Variants in L3MBTL4 observed in about 807,000 individuals in gnomAD.
L3MBTL4 encodes lethal(3)malignant brain tumor-like protein 4.
L3MBTL4 carries 70 observed loss-of-function variants against 84.5 expected under a neutral mutation model. The ratio of observed to expected loss-of-function variants is 0.83; its 90% CI spans 0.68 to 1.01. The LOEUF is 1.01. Among genes scored for constraint, L3MBTL4 ranks in the 50% least tolerant of loss-of-function variants. L3MBTL4 has a pLI of 0.00. For synonymous variants in L3MBTL4, 274 were observed against 259.8 expected (o/e 1.05, Z -0.52); for missense variants, 715 against 754.8 (o/e 0.95, Z 0.62).
At chr18:6,114,995 G>A (rs567104330) in intron 14 of L3MBTL4, among the ~76,000 whole-genome samples, 6 of 152,336 alleles carry the variant, frequency 3.9e-5, no homozygotes, top group African/African-American at 1.2e-4. Flanking sequence ...TAAGTGATGT[G>A]TACATTGTAT....
intron 12 of L3MBTL4, 149 bp downstream of exon 12, chr18:6,213,000 A>T: frequency 1.9e-6 from 1 of 536,310 alleles, no homozygotes; most frequent in Non-Finnish European, 3.3e-6. Context: ...TCAATCTTCA[A>T]GGTCAAATCC....
chr18:6,001,230 C>G (rs376905321), intron 16 of L3MBTL4, among the ~76,000 whole-genome samples: 1 of 152,254 alleles, frequency 6.6e-6, no homozygotes, highest in Non-Finnish European at 1.5e-5. Context: ...CCTAAAGTGG[C>G]TTCCAGGGTA....
chr18:6,285,515 A>G (rs1242259575), intron 4 of L3MBTL4, among the ~76,000 whole-genome samples: 1 of 150,968 alleles, frequency 6.6e-6, no homozygotes, highest in Non-Finnish European at 1.5e-5. Context: ...GCAATTTGTA[A>G]GTATATGTGA....
chr18:6,363,974 A>G (rs756090681), intron 1 of L3MBTL4, among the ~76,000 whole-genome samples: 4 of 151,740 alleles, frequency 2.6e-5, no homozygotes, highest in Non-Finnish European at 4.4e-5. Flanking sequence ...ACCTCTACCC[A>G]TTGTCTTAAA....
At chr18:6,257,750 G>A (rs1182954091) in intron 5 of L3MBTL4, among the ~76,000 whole-genome samples, 2 of 150,698 alleles carry the variant, frequency 1.3e-5, no homozygotes, top group South Asian at 2.1e-4. Flanking sequence ...GGGTTCAAGC[G>A]ATTCTCCTGC....
In L3MBTL4 at chr18:6,148,520, G is replaced by A. The variant is rs1263182387; in HGVS notation, c.1097-10224C>T. 3.3e-5 allele frequency among the ~76,000 whole-genome samples: 5 copies of A among 152,034 alleles called. No homozygotes were observed. The East Asian group carries it at 9.7e-4, about 29-fold the overall frequency. On this transcript the variant is annotated intron_variant, in intron 13 of 18. Transcript: ENST00000317931. ...GGTTCACTGCAGCATCAACTTCCTG[G>A]GCTCAAATGATCCTTCTGCCTCAGC...
intron 10 of L3MBTL4, among the ~76,000 whole-genome samples, chr18:6,228,284 C>T (rs749491832): frequency 7.2e-5 from 11 of 152,128 alleles, no homozygotes; most frequent in Admixed American, 1.3e-4. Context: ...CATTGTAAAA[C>T]TCACAAATAT....
chr18:6,119,800 A>T (rs1388523776), intron 14 of L3MBTL4, among the ~76,000 whole-genome samples: 1 of 152,194 alleles, frequency 6.6e-6, no homozygotes, highest in African/African-American at 2.4e-5. Flanking sequence ...ATAGAAAGAA[A>T]AAACATTTCT....
intron 16 of L3MBTL4, among the ~76,000 whole-genome samples, chr18:5,971,345 C>A (rs1482983208): frequency 6.6e-6 from 1 of 152,182 alleles, no homozygotes; most frequent in Non-Finnish European, 1.5e-5. Context: ...GCCCTGCACT[C>A]TTAGGGATTA....
chr18:6,144,549 C>T (rs2042566834), intron 13 of L3MBTL4, among the ~76,000 whole-genome samples: 1 of 152,172 alleles, frequency 6.6e-6, no homozygotes. Context: ...TGTAAGATGT[C>T]CTCATGGGAT....
In L3MBTL4 at chr18:6,097,949, G is replaced by A. The variant is rs1241075382; in HGVS notation, c.1200-4421C>T. 2.6e-5 allele frequency among the ~76,000 whole-genome samples: 4 copies of A among 152,062 alleles called. No individual in the cohort carries two copies. The East Asian group carries it at 5.8e-4, about 22-fold the overall frequency. Reference sequence around the variant, plus strand: ...CAGTCTTCTATGTGCTTCTCACCCCGAATTATTCCCTGCCAGGTGCTGTGC... The same window carrying A: ...CAGTCTTCTATGTGCTTCTCACCCCAAATTATTCCCTGCCAGGTGCTGTGC... On this transcript the variant is annotated intron_variant, in intron 14 of 18. Coordinates refer to ENST00000317931, the MANE Select transcript of L3MBTL4 (RefSeq NM_001330559.2).
At chr18:6,151,657 A>G (rs887452592) in intron 13 of L3MBTL4, among the ~76,000 whole-genome samples, 1 of 152,188 alleles carries the variant, frequency 6.6e-6, no homozygotes, top group Admixed American at 6.5e-5. Context: ...GACCTCCCAA[A>G]GTGCTGGGAT....
chr18:6,001,238 G>C (rs1940617), intron 16 of L3MBTL4, among the ~76,000 whole-genome samples: 7,813 of 152,284 alleles, frequency 0.051, 476 homozygotes, highest in Admixed American at 0.17. Flanking sequence ...GGCTTCCAGG[G>C]TATGTGAAGA....
intron 5 of L3MBTL4, among the ~76,000 whole-genome samples, chr18:6,256,451 C>A (rs2048142406): frequency 6.6e-6 from 1 of 151,718 alleles, no homozygotes; most frequent in Non-Finnish European, 1.5e-5. Flanking sequence ...CTCCAACAAC[C>A]CCCAGCCCCT....
intron 16 of L3MBTL4, among the ~76,000 whole-genome samples, chr18:6,061,700 T>C (rs2057226420): frequency 1.3e-5 from 2 of 152,012 alleles, no homozygotes; most frequent in Admixed American, 1.3e-4. Flanking sequence ...AGTCTTCCTC[T>C]CTTTTTCTCC....
At chr18:6,195,389 G>A (rs2045329382) in intron 12 of L3MBTL4, among the ~76,000 whole-genome samples, 1 of 152,200 alleles carries the variant, frequency 6.6e-6, no homozygotes, top group African/African-American at 2.4e-5. Flanking sequence ...CCCACTACTA[G>A]GTACTTGATT....
In L3MBTL4 at chr18:6,238,187, C is replaced by T. The variant is rs78950871; in HGVS notation, c.708-147G>A. The T allele has an allele frequency of 2.8e-3, 1,939 of 690,212 alleles. 32 individuals are homozygous for T. In the African/African-American group the frequency reaches 0.03, roughly 11 times the overall value. 42.8% of individuals were successfully genotyped at this position (690,212 alleles called of 1,614,324 possible). A position where few individuals can be genotyped will look rare whatever the true frequency, so the allele number is the denominator to read the frequency against. ...GAATTAGAAGGAATTTTCAGTACTG[C>T]ATTAGTAGGCTGTTACCAAGCTTCT... On this transcript the variant is annotated intron_variant, in intron 9 of 18. Coordinates refer to ENST00000317931, the MANE Select transcript of L3MBTL4 (RefSeq NM_001330559.2).
chr18:6,071,611 G>A (rs1022620274), intron 16 of L3MBTL4, among the ~76,000 whole-genome samples: 2 of 149,086 alleles, frequency 1.3e-5, no homozygotes, highest in South Asian at 2.1e-4. Flanking sequence ...TCTCCAGTCT[G>A]GGGTGACAGA....
chr18:6,024,154 G>A (rs915918387), intron 16 of L3MBTL4, among the ~76,000 whole-genome samples: 1 of 152,206 alleles, frequency 6.6e-6, no homozygotes, highest in Non-Finnish European at 1.5e-5. Flanking sequence ...TGGGATTACA[G>A]GTGTGAGCCA....
Sources: allele counts gnomAD v4.1 joint callset (sites outside exome capture counted in the v4.1 genomes callset), GRCh38; gene constraint gnomAD v4.1.1; transcripts MANE v1.5; gene names NCBI Gene and HGNC (gene_info 2026-07-23, HGNC 2026-07-21).